Variants in HAPSTR1 observed in about 807,000 individuals in gnomAD.
The protein encoded by HAPSTR1 is HUWE1-associated protein modifying stress responses 1.
the HAPSTR1 span, chr16:9,109,559 G>A: frequency 6.6e-6 from 1 of 152,174 alleles, no homozygotes; most frequent in East Asian, 1.9e-4. Flanking sequence ...GGCCTGAGTT[G>A]TCTCTCTGTA....
the HAPSTR1 span, among the ~76,000 whole-genome samples, chr16:9,100,727 G>T: frequency 6.6e-6 from 1 of 151,988 alleles, no homozygotes; most frequent in African/African-American, 2.4e-5. Flanking sequence ...TAGAGGCGGG[G>T]TTTTGCCATC....
chr16:9,091,841 G>T, the HAPSTR1 span: 1 of 400,464 alleles, frequency 2.5e-6, no homozygotes, highest in East Asian at 3.7e-5. Flanking sequence ...AAGGCCTGGG[G>T]CGGGGGTCGT....
At chr16:9,098,540 A>C in the HAPSTR1 span, among the ~76,000 whole-genome samples, 110 of 152,224 alleles carry the variant, frequency 7.2e-4, no homozygotes, top group South Asian at 6.2e-4. Context: ...TACTGGTTGG[A>C]GTGCCAGGGC....
At chr16:9,092,892 G>GTTTTTTTTTTTTTTTTGGT in the HAPSTR1 span, 2 of 1,267,500 alleles carry the variant, frequency 1.6e-6, no homozygotes, top group Non-Finnish European at 2.2e-6. Context: ...TTTCTTTTTG[G>GTTTTTTTTTTTTTTTTGGT]TTTTTTTTTT....
chr16:9,092,099 C>T, the HAPSTR1 span: 2 of 1,547,714 alleles, frequency 1.3e-6, no homozygotes, highest in East Asian at 2.4e-5. Context: ...CGGGCCCGAG[C>T]ACTGGTTCTC....
chr16:9,094,785 C>A, the HAPSTR1 span, among the ~76,000 whole-genome samples: 4 of 152,144 alleles, frequency 2.6e-5, no homozygotes, highest in African/African-American at 9.7e-5. Flanking sequence ...AAGGGGAAGG[C>A]AACACATTTT....
the HAPSTR1 span, chr16:9,109,958 A>G: frequency 2.6e-5 from 4 of 152,058 alleles, no homozygotes; most frequent in Non-Finnish European, 5.9e-5. Flanking sequence ...TTTACTGAAC[A>G]CAGTGAATAC....
chr16:9,096,348 AT>A, the HAPSTR1 span, among the ~76,000 whole-genome samples: 2 of 152,012 alleles, frequency 1.3e-5, no homozygotes, highest in Non-Finnish European at 2.9e-5. Context: ...CTTTTTAAAA[AT>A]TTTTTTTGTG....
chr16:9,100,812 G>C, the HAPSTR1 span, among the ~76,000 whole-genome samples: 1 of 152,138 alleles, frequency 6.6e-6, no homozygotes, highest in Admixed American at 6.5e-5. Context: ...TAGGATTACA[G>C]GCATGAGCCA....
chr16:9,116,997 C>T, the HAPSTR1 span: 3 of 1,546,626 alleles, frequency 1.9e-6, no homozygotes, highest in Non-Finnish European at 2.6e-6. Context: ...AAACATGAGG[C>T]CATCTTCCCT....
chr16:9,095,256 A>T, the HAPSTR1 span, among the ~76,000 whole-genome samples: 1 of 152,194 alleles, frequency 6.6e-6, no homozygotes, highest in African/African-American at 2.4e-5. Flanking sequence ...TACTCTGGAT[A>T]GCCTCACACT....
chr16:9,110,262 G>A, the HAPSTR1 span: 2 of 151,228 alleles, frequency 1.3e-5, no homozygotes, highest in South Asian at 4.2e-4. Context: ...TGGATTTGGA[G>A]AAACTGGATG....
the HAPSTR1 span, among the ~76,000 whole-genome samples, chr16:9,096,619 T>A: frequency 6.6e-6 from 1 of 152,210 alleles, no homozygotes; most frequent in African/African-American, 2.4e-5. Flanking sequence ...AGAAATCATA[T>A]TCTACCTGGA....
chr16:9,091,941 G>C, the HAPSTR1 span: 1 of 1,014,244 alleles, frequency 9.9e-7, no homozygotes, highest in Non-Finnish European at 1.3e-6. Flanking sequence ...GCCGTCGGTC[G>C]CCAGGCCCTG....
chr16:9,097,071 C>T, the HAPSTR1 span, among the ~76,000 whole-genome samples: 2 of 151,978 alleles, frequency 1.3e-5, no homozygotes, highest in Admixed American at 1.3e-4. Flanking sequence ...TCCCCAGTAG[C>T]TGGGATTACA....
At chr16:9,114,561 A>G in the HAPSTR1 span, among the ~76,000 whole-genome samples, 2 of 152,158 alleles carry the variant, frequency 1.3e-5, no homozygotes, top group South Asian at 4.1e-4. Context: ...GAGAGCTGCA[A>G]ATTGCATGAT....
the HAPSTR1 span, chr16:9,092,006 CGGCGGCGGT>C: frequency 6.8e-7 from 1 of 1,463,436 alleles, no homozygotes; most frequent in Non-Finnish European, 9.1e-7. Context: ...GAGGAGGACG[CGGCGGCGGT>C]GGCGGCGAGG....
the HAPSTR1 span, among the ~76,000 whole-genome samples, chr16:9,100,969 C>G: frequency 1.9e-4 from 29 of 152,348 alleles, no homozygotes; most frequent in African/African-American, 7.0e-4. Flanking sequence ...AAAATACCCT[C>G]ATTCTCTTCA....
chr16:9,102,714 A>G, the HAPSTR1 span, among the ~76,000 whole-genome samples: 2 of 152,244 alleles, frequency 1.3e-5, no homozygotes, highest in East Asian at 3.9e-4. Flanking sequence ...CATTAAAGAT[A>G]CCTAATCTCT....
Sources: allele counts gnomAD v4.1 joint callset (sites outside exome capture counted in the v4.1 genomes callset), GRCh38; gene constraint gnomAD v4.1.1; transcripts MANE v1.5; gene names NCBI Gene and HGNC (gene_info 2026-07-23, HGNC 2026-07-21).